NCOA7: variants seen among roughly 807,000 people sequenced by gnomAD.
NCOA7 encodes the protein 140 kDa estrogen receptor-associated protein.
NCOA7 carries 45 observed loss-of-function variants against 104.3 expected under a neutral mutation model. That is an observed-to-expected ratio of 0.43 (90% CI 0.34 to 0.55). The LOEUF is 0.55. Ranked by LOEUF, NCOA7 falls within the 20% of genes least tolerant of loss-of-function variation. The pLI is 0.02. For missense variants in NCOA7, 1,041 were observed against 1,119.7 expected, an observed-to-expected ratio of 0.93 and a Z score of 1.00; for synonymous variants, 398 against 402.3, an observed-to-expected ratio of 0.99 and a Z score of 0.13.
chr6:125,871,413 C>G (rs886887018), intron 3 of NCOA7, among the ~76,000 whole-genome samples: 8 of 152,248 alleles, frequency 5.3e-5, no homozygotes, highest in African/African-American at 1.2e-4. Context: ...CCCAGACACA[C>G]AGGACTTCAC....
chr6:125,795,005 T>A (rs1775178257), intron 1 of NCOA7, among the ~76,000 whole-genome samples: 1 of 152,204 alleles, frequency 6.6e-6, no homozygotes, highest in African/African-American at 2.4e-5. Context: ...CTGAGCCTCT[T>A]TTATTTACCA....
chr6:125,920,577 T>A (rs1303891143), intron 11 of NCOA7, among the ~76,000 whole-genome samples: 2 of 152,186 alleles, frequency 1.3e-5, no homozygotes, highest in East Asian at 1.9e-4. Flanking sequence ...TTATTTATTT[T>A]ATTTCTATAT....
At chr6:125,914,820 T>G (rs1030565717) in intron 10 of NCOA7, among the ~76,000 whole-genome samples, 2 of 152,218 alleles carry the variant, frequency 1.3e-5, no homozygotes, top group African/African-American at 4.8e-5. Context: ...GTCAATAAAA[T>G]TAGATTTCTT....
At chr6:125,788,208 G>A (rs1774557672), upstream of NCOA7, among the ~76,000 whole-genome samples, 2 of 152,284 alleles carry the variant, frequency 1.3e-5, no homozygotes, top group South Asian at 4.1e-4. Flanking sequence ...GTTCTAGTTT[G>A]TGCTATCCAA....
At chr6:125,787,448 G>T (rs1181859095), upstream of NCOA7, among the ~76,000 whole-genome samples, 2 of 152,152 alleles carry the variant, frequency 1.3e-5, no homozygotes, top group African/African-American at 4.8e-5. Flanking sequence ...TGAACCCAGA[G>T]ATCCAGCTGC....
At chr6:125,875,650 G>C (rs1783306752) in intron 4 of NCOA7, among the ~76,000 whole-genome samples, 1 of 152,110 alleles carries the variant, frequency 6.6e-6, no homozygotes, top group African/African-American at 2.4e-5. Context: ...GCCAGTCTAG[G>C]CCATATCCCT....
intron 1 of NCOA7, among the ~76,000 whole-genome samples, chr6:125,813,880 T>G (rs1216551609): frequency 6.6e-6 from 1 of 151,862 alleles, no homozygotes; most frequent in African/African-American, 2.4e-5. Flanking sequence ...AATGATATTT[T>G]GAAAATATAC....
chr6:125,915,670 G>A (rs1787007441), intron 11 of NCOA7, among the ~76,000 whole-genome samples, 190 bp downstream of exon 11: 1 of 151,788 alleles, frequency 6.6e-6, no homozygotes, highest in South Asian at 2.1e-4. Flanking sequence ...ATGTACACAG[G>A]CACACAGTTC....
chr6:125,929,609 A>G lies in NCOA7; in HGVS notation c.*838A>G, dbSNP rs941865690. ...TTATAGGCCAGCTTTCCATTTAGTCAATAAAAGCGTACATTTTTAGTTACT... is the reference window on the plus strand; with the variant it reads ...TTATAGGCCAGCTTTCCATTTAGTCGATAAAAGCGTACATTTTTAGTTACT... On this transcript the variant is annotated 3_prime_UTR_variant, in exon 16 of 16. Coordinates refer to ENST00000392477, the MANE Select transcript of NCOA7 (RefSeq NM_181782.5). The G allele has an allele frequency of 1.3e-5, 2 of 152,278 alleles. No individual in the cohort carries two copies. Among genetic ancestry groups the G allele is most frequent in the African/African-American group, 2.4e-5 (1 of 41,556 alleles). The allele number at this position is 152,278 out of a possible 1,614,324, so 9.4% of individuals were successfully genotyped here.
chr6:125,825,736 T>A (rs1271798266), intron 2 of NCOA7, among the ~76,000 whole-genome samples: 1 of 152,192 alleles, frequency 6.6e-6, no homozygotes, highest in African/African-American at 2.4e-5. Flanking sequence ...CAACATCTTT[T>A]TTTTTGTCTT....
intron 1 of NCOA7, among the ~76,000 whole-genome samples, chr6:125,805,087 C>CTT (rs59737297): frequency 0.025 from 1,478 of 58,042 alleles, 272 homozygotes; most frequent in East Asian, 0.063. Context: ...CCCTCTTGTT[C>CTT]TTTTTTTTTT....
chr6:125,882,642 G>A (rs746749205), intron 7 of NCOA7, 91 bp downstream of exon 7: 2 of 1,467,848 alleles, frequency 1.4e-6, no homozygotes, highest in South Asian at 2.5e-5. Flanking sequence ...TACATTAAAA[G>A]ATCTTACCCA....
At chr6:125,827,861 G>A (rs971915076) in intron 2 of NCOA7, among the ~76,000 whole-genome samples, 1 of 152,246 alleles carries the variant, frequency 6.6e-6, no homozygotes, top group Non-Finnish European at 1.5e-5. Flanking sequence ...GATCATGCAG[G>A]GCCTTCTTGG....
chr6:125,869,517 G>C (rs1782710355), intron 3 of NCOA7, among the ~76,000 whole-genome samples: 1 of 152,204 alleles, frequency 6.6e-6, no homozygotes, highest in Admixed American at 6.5e-5. Flanking sequence ...CATAGCAAAG[G>C]TGAACCAAGG....
At chr6:125,845,645 T>C (rs985205093) in intron 2 of NCOA7, among the ~76,000 whole-genome samples, 4 of 152,104 alleles carry the variant, frequency 2.6e-5, no homozygotes, top group African/African-American at 9.7e-5. Flanking sequence ...ATGGTGGTGC[T>C]GCATGCCTGC....
At chr6:125,912,257 A>G (rs956716769) in intron 10 of NCOA7, among the ~76,000 whole-genome samples, 1 of 152,180 alleles carries the variant, frequency 6.6e-6, no homozygotes, top group Non-Finnish European at 1.5e-5. Context: ...ATCTTTAGGC[A>G]GGGATTGGAG....
At chr6:125,869,669 T>C (rs551598738) in intron 3 of NCOA7, among the ~76,000 whole-genome samples, 1 of 152,326 alleles carries the variant, frequency 6.6e-6, no homozygotes, top group South Asian at 2.1e-4. Flanking sequence ...TCAGGCAGCG[T>C]TGCTGGCTCT....
Position 125,919,161 on chromosome 6 carries a change from A to G in NCOA7, c.2245-1782A>G, listed in dbSNP as rs1787342272. Reference sequence around the variant, plus strand: ...CCTGGCAGGAAGTGTGTTTGCTCTAAATCCTAATTTGGGTGTGTTCCTGTA... The same window carrying G: ...CCTGGCAGGAAGTGTGTTTGCTCTAGATCCTAATTTGGGTGTGTTCCTGTA... On this transcript the variant is annotated intron_variant, in intron 11 of 15. Transcript: ENST00000392477. 4 of 1,391,192 alleles carry G rather than the reference A, an allele frequency of 2.9e-6. No homozygotes were observed. The East Asian group carries it at 9.4e-5, about 33-fold the overall frequency. 86.2% of individuals were successfully genotyped at this position (1,391,192 alleles called of 1,614,324 possible).
rs749596155 is a variant in NCOA7, at chr6:125,874,871, A to T, written c.272-18A>T. The T allele has an allele frequency of 8.2e-6, 13 of 1,588,660 alleles. No individual in the cohort carries two copies. The highest frequency in any genetic ancestry group is 1.0e-5 in the Non-Finnish European group (12 of 1,157,270). ...CCTGAAAATGAAATTATTCATTTACATACAATTTATTCTTCAGATGACAAT... is the reference window on the plus strand; with the variant it reads ...CCTGAAAATGAAATTATTCATTTACTTACAATTTATTCTTCAGATGACAAT... On this transcript the variant is annotated intron_variant, in intron 3 of 15. Transcript: ENST00000392477.
Sources: gnomAD v4.1 joint callset for allele counts (sites outside exome capture counted in the v4.1 genomes callset) on GRCh38, gnomAD v4.1.1 for gene constraint, MANE v1.5 for transcripts, NCBI Gene and HGNC (gene_info 2026-07-23, HGNC 2026-07-21) for gene names.